The following ENOX2 variants were observed in gnomAD, a reference collection of about 807,000 sequenced individuals.
The protein encoded by ENOX2 is APK1 antigen.
Under a neutral mutation model 45.0 loss-of-function variants are expected in ENOX2, and 36 were observed. That is an observed-to-expected ratio of 0.80 (90% confidence interval 0.61 to 1.06). The LOEUF (loss-of-function observed/expected upper bound fraction) is 1.06. Among genes scored for constraint, ENOX2 ranks in the 50% least tolerant of loss-of-function variants. ENOX2 has a pLI of 0.00. For missense variants in ENOX2, 423 were observed against 462.5 expected (o/e 0.91, Z 0.78); for synonymous variants, 174 against 152.3 (o/e 1.14, Z -1.05).
chrX:130,670,252 T>A, intron 6 of ENOX2, 54 bp from the exon 7 acceptor site: 2 of 836,879 alleles, frequency 2.4e-6, no homozygotes, highest in Non-Finnish European at 3.5e-6. Context: ...AGGAGAGAAG[T>A]AGAGGGAGAG....
chrX:130,777,009 T>C (rs2039871766), intron 3 of ENOX2, among the ~76,000 whole-genome samples: 1 of 112,084 alleles, frequency 8.9e-6, no homozygotes, highest in Non-Finnish European at 1.9e-5. Context: ...GTAGTACTAT[T>C]AGCATGAGAG....
intron 2 of ENOX2, among the ~76,000 whole-genome samples, chrX:130,825,849 G>A: frequency 9.0e-6 from 1 of 111,067 alleles, no homozygotes. Flanking sequence ...TATTATGAGA[G>A]AGAGAAAAAG....
intron 3 of ENOX2, among the ~76,000 whole-genome samples, chrX:130,738,921 C>T (rs952371855): frequency 2.3e-4 from 26 of 111,881 alleles, no homozygotes; most frequent in African/African-American, 8.4e-4. Context: ...CTCTTTGTGT[C>T]CACATCGGTC....
intron 6 of ENOX2, among the ~76,000 whole-genome samples, chrX:130,676,286 C>A (rs1000641288): frequency 1.8e-4 from 20 of 111,845 alleles, no homozygotes; most frequent in African/African-American, 6.5e-4. Context: ...AAATGAAGAT[C>A]TCCACATTTT....
At chrX:130,667,456 G>A in intron 8 of ENOX2, 74 bp downstream of exon 8, 1 of 956,547 alleles carries the variant, frequency 1.0e-6, no homozygotes, top group East Asian at 3.1e-5. Flanking sequence ...CTGGAGGCCT[G>A]AGCTCCCATA....
At chrX:130,636,382 C>T (rs2035932747) in intron 11 of ENOX2, among the ~76,000 whole-genome samples, 1 of 112,367 alleles carries the variant, frequency 8.9e-6, no homozygotes, top group African/African-American at 3.2e-5. Context: ...TTCCAACCAG[C>T]AATTAGCTTT....
intron 9 of ENOX2, 125 bp from the exon 10 acceptor site, chrX:130,656,820 C>T (rs1435434785): frequency 2.2e-6 from 1 of 449,166 alleles, no homozygotes; most frequent in East Asian, 3.8e-5. Context: ...CCTCCAAATA[C>T]TCTTAAGGCA....
intron 3 of ENOX2, among the ~76,000 whole-genome samples, chrX:130,729,014 T>C (rs1186536483): frequency 9.0e-6 from 1 of 111,591 alleles, no homozygotes; most frequent in African/African-American, 3.3e-5. Flanking sequence ...CTCATGATCA[T>C]TCAGAGTTTA....
intron 2 of ENOX2, among the ~76,000 whole-genome samples, chrX:130,831,928 G>A (rs1165747880): frequency 1.8e-5 from 2 of 110,986 alleles, no homozygotes; most frequent in African/African-American, 6.5e-5. Flanking sequence ...CTGGGACAAT[G>A]CTATTTAATA....
chrX:130,755,570 G>T (rs1053381376), intron 3 of ENOX2, among the ~76,000 whole-genome samples: 1 of 110,328 alleles, frequency 9.1e-6, no homozygotes, highest in African/African-American at 3.3e-5. Context: ...TAAGCACATG[G>T]GGTCACATGT....
intron 2 of ENOX2, among the ~76,000 whole-genome samples, chrX:130,814,521 C>T (rs747126882): frequency 1.8e-5 from 2 of 111,514 alleles, no homozygotes; most frequent in African/African-American, 6.5e-5. Flanking sequence ...GTGGGTGACC[C>T]TCTGGGGTGA....
At chrX:130,833,731 C>T (rs989111166) in intron 2 of ENOX2, among the ~76,000 whole-genome samples, 1 of 111,698 alleles carries the variant, frequency 9.0e-6, no homozygotes, top group African/African-American at 3.2e-5. Flanking sequence ...AGCCCTCAAA[C>T]CATTCTTGCC....
At chrX:130,761,957 T>C (rs2039500663) in intron 3 of ENOX2, among the ~76,000 whole-genome samples, 1 of 111,909 alleles carries the variant, frequency 8.9e-6, no homozygotes, top group African/African-American at 3.2e-5. Context: ...ACTGTACGTC[T>C]TTTTTTCTCT....
At chrX:130,802,810 G>A (rs781115716) in intron 2 of ENOX2, among the ~76,000 whole-genome samples, 1 of 112,250 alleles carries the variant, frequency 8.9e-6, no homozygotes, top group East Asian at 2.8e-4. Flanking sequence ...AACAAGAAGT[G>A]AGGAAACCAT....
chrX:130,731,464 T>C (rs2038737159), intron 3 of ENOX2, among the ~76,000 whole-genome samples: 1 of 111,896 alleles, frequency 8.9e-6, no homozygotes. Context: ...GCAAAACCAA[T>C]TCAATAGTTT....
chrX:130,785,124 G>A (rs771518802), intron 2 of ENOX2, among the ~76,000 whole-genome samples: 170 of 108,655 alleles, frequency 1.6e-3, no homozygotes, highest in African/African-American at 5.4e-3. Context: ...TCAGGAGTTC[G>A]AGACCAGCCT....
chrX:130,697,655 G>T (rs1414789040), intron 4 of ENOX2, among the ~76,000 whole-genome samples: 2 of 111,713 alleles, frequency 1.8e-5, no homozygotes, highest in Admixed American at 9.5e-5. Flanking sequence ...TGCTCTGTCC[G>T]CGGGGCTTCT....
chrX:130,802,871 C>G (rs1378516899), intron 2 of ENOX2, among the ~76,000 whole-genome samples: 1 of 112,393 alleles, frequency 8.9e-6, no homozygotes, highest in Non-Finnish European at 1.9e-5. Flanking sequence ...GCAAACTGAA[C>G]ATTGATTAAG....
chrX:130,863,680 C>T (rs775206201), intron 2 of ENOX2, among the ~76,000 whole-genome samples: 2 of 112,103 alleles, frequency 1.8e-5, no homozygotes, highest in Non-Finnish European at 3.8e-5. Context: ...ACTAAATTAC[C>T]ATTCTACAAA....
Sources: gnomAD v4.1 joint callset for allele counts (sites outside exome capture counted in the v4.1 genomes callset) on GRCh38, gnomAD v4.1.1 for gene constraint, MANE v1.5 for transcripts, NCBI Gene and HGNC (gene_info 2026-07-23, HGNC 2026-07-21) for gene names.